The following UBE2E2 variants were observed in gnomAD, a reference collection of about 807,000 sequenced individuals.
UBE2E2 encodes the protein ubiquitin conjugating enzyme E2 E2, also known as ubiquitin-conjugating enzyme E2 E2.
UBE2E2 carries 6 observed loss-of-function variants against 24.7 expected under a neutral mutation model. The ratio of observed to expected loss-of-function variants is 0.24; its 90% CI spans 0.13 to 0.48. The LOEUF (loss-of-function observed/expected upper bound fraction) is 0.48. UBE2E2 is among the 20% of genes least tolerant of loss of function. The pLI is 0.99. For synonymous variants in UBE2E2, 104 were observed against 83.6 expected, an observed-to-expected ratio of 1.24 and a Z score of -1.33; for missense variants, 169 against 245.0, an observed-to-expected ratio of 0.69 and a Z score of 2.07.
intron 1 of UBE2E2, among the ~76,000 whole-genome samples, chr3:23,206,899 AAC>A (rs1696161872): frequency 6.6e-6 from 1 of 152,210 alleles, no homozygotes; most frequent in South Asian, 2.1e-4. Context: ...TCATATCAGA[AAC>A]AGTTTTATTT....
chr3:23,433,319 AAGCTGAAAAAC>A (rs1429972150), intron 3 of UBE2E2, among the ~76,000 whole-genome samples: 2 of 151,972 alleles, frequency 1.3e-5, no homozygotes, highest in Admixed American at 6.6e-5. Context: ...CATTAAAAAA[AAGCTGAAAAAC>A]AGCTGATTAA....
intron 5 of UBE2E2, among the ~76,000 whole-genome samples, chr3:23,549,076 C>CT (rs550106379): frequency 1.6e-3 from 246 of 152,282 alleles, no homozygotes; most frequent in African/African-American, 5.6e-3. Context: ...TAAACTGTTT[C>CT]TTTTTTTAAC....
At chr3:23,319,281 T>G (rs940328757) in intron 3 of UBE2E2, among the ~76,000 whole-genome samples, 1 of 152,230 alleles carries the variant, frequency 6.6e-6, no homozygotes, top group Non-Finnish European at 1.5e-5. Flanking sequence ...GCTGATGTTC[T>G]CTTCGGTCTG....
chr3:23,489,930 C>CA (rs971586157), intron 3 of UBE2E2, among the ~76,000 whole-genome samples: 2 of 152,116 alleles, frequency 1.3e-5, no homozygotes, highest in African/African-American at 4.8e-5. Context: ...CCCTTCCCCC[C>CA]ATATGCATGC....
chr3:23,506,324 A>G (rs147608909), intron 4 of UBE2E2, among the ~76,000 whole-genome samples: 1 of 152,232 alleles, frequency 6.6e-6, no homozygotes, highest in East Asian at 1.9e-4. Context: ...CAAATCCAGA[A>G]CCAAATTATT....
intron 3 of UBE2E2, among the ~76,000 whole-genome samples, chr3:23,264,679 T>C (rs1334889584): frequency 1.3e-5 from 2 of 152,168 alleles, no homozygotes; most frequent in African/African-American, 4.8e-5. Context: ...CCAGATAACT[T>C]AGGAGAATGA....
chr3:23,414,740 G>A (rs1332341403), intron 3 of UBE2E2, among the ~76,000 whole-genome samples: 1 of 152,170 alleles, frequency 6.6e-6, no homozygotes, highest in Non-Finnish European at 1.5e-5. Flanking sequence ...GGTCATGAAA[G>A]TGGAGCTGTG....
intron 3 of UBE2E2, among the ~76,000 whole-genome samples, chr3:23,378,661 T>C (rs1253545477): frequency 1.3e-5 from 2 of 150,900 alleles, no homozygotes; most frequent in Admixed American, 6.7e-5. Context: ...TTGGCTTCTG[T>C]TTTTGAATTG....
intron 3 of UBE2E2, among the ~76,000 whole-genome samples, chr3:23,244,822 C>G (rs1210209124): frequency 6.6e-6 from 1 of 152,038 alleles, no homozygotes; most frequent in Non-Finnish European, 1.5e-5. Context: ...ACTTTGAGCT[C>G]TTTTATACAA....
chr3:23,539,094 A>G (rs778051536), intron 5 of UBE2E2, among the ~76,000 whole-genome samples: 3 of 152,180 alleles, frequency 2.0e-5, no homozygotes, highest in Non-Finnish European at 4.4e-5. Context: ...TCTTTGACTC[A>G]AAGAGTTACC....
intron 5 of UBE2E2, among the ~76,000 whole-genome samples, chr3:23,551,474 A>G (rs1206916685): frequency 1.3e-5 from 2 of 152,228 alleles, no homozygotes; most frequent in African/African-American, 4.8e-5. Flanking sequence ...AAACAGCTAT[A>G]CTATTCAAAC....
At chr3:23,576,922 T>G (rs1696360188) in intron 5 of UBE2E2, among the ~76,000 whole-genome samples, 1 of 70,646 alleles carries the variant, frequency 1.4e-5, no homozygotes, top group African/African-American at 8.1e-5. Context: ...GTTGTTATTG[T>G]TTTTTTTTTT....
intron 3 of UBE2E2, among the ~76,000 whole-genome samples, chr3:23,286,501 G>GTTTCATTT (rs1159890633): frequency 6.6e-6 from 1 of 151,998 alleles, no homozygotes; most frequent in Admixed American, 6.6e-5. Context: ...TTGTTTCATT[G>GTTTCATTT]GTCTGTGTGT....
chr3:23,221,607 A>G (rs900102033), intron 3 of UBE2E2, among the ~76,000 whole-genome samples: 12 of 151,826 alleles, frequency 7.9e-5, no homozygotes, highest in East Asian at 3.9e-4. Context: ...AATATTTTCA[A>G]GGTTCATCCA....
intron 3 of UBE2E2, among the ~76,000 whole-genome samples, chr3:23,488,282 G>T (rs1472006729): frequency 6.6e-6 from 1 of 150,574 alleles, no homozygotes; most frequent in East Asian, 2.0e-4. Context: ...AGGTATACCA[G>T]TGCCATGGTG....
chr3:23,356,723 G>A (rs1695965580), intron 3 of UBE2E2, among the ~76,000 whole-genome samples: 1 of 152,160 alleles, frequency 6.6e-6, no homozygotes. Context: ...TTAGGTGGAA[G>A]CACAGAAACA....
intron 5 of UBE2E2, among the ~76,000 whole-genome samples, chr3:23,556,955 A>G (rs1487093815): frequency 6.6e-6 from 1 of 152,194 alleles, no homozygotes; most frequent in Non-Finnish European, 1.5e-5. Flanking sequence ...CAGTTTTACC[A>G]TAGGCTAATT....
intron 3 of UBE2E2, among the ~76,000 whole-genome samples, chr3:23,311,512 A>G (rs137978455): frequency 6.6e-6 from 1 of 152,332 alleles, no homozygotes; most frequent in Non-Finnish European, 1.5e-5. Flanking sequence ...TTAATAAAAT[A>G]TGGAGAACCA....
At chr3:23,444,633 C>T (rs1268620019) in intron 3 of UBE2E2, among the ~76,000 whole-genome samples, 1 of 152,142 alleles carries the variant, frequency 6.6e-6, no homozygotes, top group Non-Finnish European at 1.5e-5. Context: ...ATGCATATAC[C>T]ATACCCTGGA....
Sources: gnomAD v4.1 joint callset for allele counts (sites outside exome capture counted in the v4.1 genomes callset) on GRCh38, gnomAD v4.1.1 for gene constraint, MANE v1.5 for transcripts, NCBI Gene and HGNC (gene_info 2026-07-23, HGNC 2026-07-21) for gene names.